Variants in RPS6KC1 observed in about 807,000 individuals in gnomAD.
RPS6KC1 encodes ribosomal protein S6 kinase C1.
Under a neutral mutation model 103.8 loss-of-function variants are expected in RPS6KC1, and 54 were observed. That is an observed-to-expected ratio of 0.52 (90% CI 0.42 to 0.65). The LOEUF (loss-of-function observed/expected upper bound fraction) is 0.65, where lower values mean the gene tolerates loss of function less well. Ranked by LOEUF, RPS6KC1 falls within the 30% of genes least tolerant of loss-of-function variation. The probability of loss-of-function intolerance (pLI) is 0.00; values close to 1 mark genes in which losing one functional copy is unlikely to be tolerated. For missense variants in RPS6KC1, 1,151 were observed against 1,253.8 expected, an observed-to-expected ratio of 0.92 and a Z score of 1.24; for synonymous variants, 439 against 438.7, an observed-to-expected ratio of 1.00 and a Z score of -0.01.
At chr1:213,706,341 T>C in the RPS6KC1 span, among the ~76,000 whole-genome samples, 1 of 152,122 alleles carries the variant, frequency 6.6e-6, no homozygotes, top group Non-Finnish European at 1.5e-5. Flanking sequence ...CTAGGTTTGG[T>C]TTTGTTTTGT....
intron 8 of RPS6KC1, among the ~76,000 whole-genome samples, chr1:213,219,948 G>GTA (rs2093784071): frequency 6.6e-6 from 1 of 152,058 alleles, no homozygotes; most frequent in Admixed American, 6.6e-5. Flanking sequence ...CATGGCACAT[G>GTA]TATACATATG....
At chr1:213,178,313 G>T (rs2148326033) in intron 8 of RPS6KC1, among the ~76,000 whole-genome samples, 1 of 152,194 alleles carries the variant, frequency 6.6e-6, no homozygotes, top group South Asian at 2.1e-4. Context: ...GCCGAGGCCA[G>T]TGGATCACTT....
chr1:213,384,275 CAA>C, the RPS6KC1 span, among the ~76,000 whole-genome samples: 15 of 144,718 alleles, frequency 1.0e-4, no homozygotes, highest in South Asian at 2.1e-4. Flanking sequence ...GACTCCATCT[CAA>C]AAAAAAATAT....
intron 8 of RPS6KC1, among the ~76,000 whole-genome samples, chr1:213,197,935 G>T (rs1488072448): frequency 6.6e-6 from 1 of 152,024 alleles, no homozygotes; most frequent in Non-Finnish European, 1.5e-5. Flanking sequence ...GAGCATTTAG[G>T]CCATTTACAG....
At chr1:213,568,593 G>A in the RPS6KC1 span, among the ~76,000 whole-genome samples, 4 of 152,188 alleles carry the variant, frequency 2.6e-5, no homozygotes, top group African/African-American at 9.7e-5. Flanking sequence ...TGTTCTCCAG[G>A]GCTAGGTATT....
chr1:213,567,344 T>G, the RPS6KC1 span, among the ~76,000 whole-genome samples: 1 of 152,178 alleles, frequency 6.6e-6, no homozygotes, highest in Non-Finnish European at 1.5e-5. Context: ...AAATGGGATG[T>G]GCATTTCACT....
chr1:213,507,207 C>T, the RPS6KC1 span, among the ~76,000 whole-genome samples: 1 of 152,124 alleles, frequency 6.6e-6, no homozygotes, highest in African/African-American at 2.4e-5. Flanking sequence ...TTAGGATCCC[C>T]ACATTTGAGG....
At chr1:213,389,864 C>A in the RPS6KC1 span, among the ~76,000 whole-genome samples, 17 of 152,020 alleles carry the variant, frequency 1.1e-4, no homozygotes, top group Non-Finnish European at 1.6e-4. Context: ...GGTTTTTTTT[C>A]ATCCCAGGAA....
At chr1:213,611,093 C>T in the RPS6KC1 span, among the ~76,000 whole-genome samples, 4 of 152,156 alleles carry the variant, frequency 2.6e-5, no homozygotes, top group East Asian at 5.8e-4. Context: ...TTTTTTGGGA[C>T]TGGTCTTCTG....
chr1:213,553,516 A>G, the RPS6KC1 span, among the ~76,000 whole-genome samples: 123 of 152,282 alleles, frequency 8.1e-4, no homozygotes, highest in African/African-American at 2.8e-3. Flanking sequence ...TCCTTTTGGT[A>G]TATGCCCAGT....
At chr1:213,111,081 A>G (rs1481174729) in intron 4 of RPS6KC1, among the ~76,000 whole-genome samples, 1 of 151,846 alleles carries the variant, frequency 6.6e-6, no homozygotes, top group Non-Finnish European at 1.5e-5. Flanking sequence ...GGAGGAACTG[A>G]GGCAAGAACA....
the RPS6KC1 span, among the ~76,000 whole-genome samples, chr1:213,480,958 G>A: frequency 2.6e-5 from 4 of 152,072 alleles, no homozygotes; most frequent in Non-Finnish European, 4.4e-5. Context: ...TTGAATCAAC[G>A]CATTTATGAG....
the RPS6KC1 span, chr1:213,841,474 T>C: frequency 1.3e-5 from 2 of 152,186 alleles, no homozygotes; most frequent in African/African-American, 2.4e-5. Flanking sequence ...AATAAAAACG[T>C]GAAGCGTTCT....
the RPS6KC1 span, among the ~76,000 whole-genome samples, chr1:213,562,476 G>A: frequency 1.5e-5 from 2 of 133,574 alleles, no homozygotes; most frequent in Admixed American, 8.7e-5. Flanking sequence ...TGCAAGCTCC[G>A]CCTCCCGGGT....
chr1:213,532,904 C>G, the RPS6KC1 span, among the ~76,000 whole-genome samples: 1 of 152,158 alleles, frequency 6.6e-6, no homozygotes, highest in East Asian at 1.9e-4. Context: ...TGCAAAGTCT[C>G]CAAGAGGGGA....
At chr1:213,371,570 G>A in the RPS6KC1 span, among the ~76,000 whole-genome samples, 1 of 152,142 alleles carries the variant, frequency 6.6e-6, no homozygotes, top group Non-Finnish European at 1.5e-5. Flanking sequence ...CAGTGCACAA[G>A]GATTCTAATT....
the RPS6KC1 span, among the ~76,000 whole-genome samples, chr1:213,717,447 TC>T: frequency 1.3e-5 from 2 of 152,168 alleles, no homozygotes; most frequent in Non-Finnish European, 2.9e-5. Flanking sequence ...TAATGAGACC[TC>T]AAAGAGCATA....
At chr1:213,413,657 C>G in the RPS6KC1 span, among the ~76,000 whole-genome samples, 1 of 152,170 alleles carries the variant, frequency 6.6e-6, no homozygotes, top group African/African-American at 2.4e-5. Context: ...GCTGACTTCC[C>G]CCAGAGCATA....
chr1:213,442,136 A>G, the RPS6KC1 span, among the ~76,000 whole-genome samples: 137 of 152,298 alleles, frequency 9.0e-4, no homozygotes, highest in Middle Eastern at 3.4e-3. Context: ...ATCTCTTGGA[A>G]AGGAACTTTG....
Sources: allele counts gnomAD v4.1 joint callset (sites outside exome capture counted in the v4.1 genomes callset), GRCh38; gene constraint gnomAD v4.1.1; transcripts MANE v1.5; gene names NCBI Gene and HGNC (gene_info 2026-07-23, HGNC 2026-07-21).